The following RUNX1T1 variants were observed in gnomAD, a reference collection of about 807,000 sequenced individuals.
The protein encoded by RUNX1T1 is RUNX1 partner transcriptional co-repressor 1.
Under a neutral mutation model 62.8 loss-of-function variants are expected in RUNX1T1, and 4 were observed. That is an observed-to-expected ratio of 0.06 (90% CI 0.03 to 0.15). RUNX1T1 has a LOEUF of 0.15. Among genes scored for constraint, RUNX1T1 ranks in the 10% least tolerant of loss-of-function variants. The pLI is 1.00. For missense variants in RUNX1T1, 508 were observed against 754.3 expected, an observed-to-expected ratio of 0.67 and a Z score of 3.82; for synonymous variants, 291 against 286.0, an observed-to-expected ratio of 1.02 and a Z score of -0.18.
At chr8:92,052,114 G>A (rs1830341699) in intron 1 of RUNX1T1, among the ~76,000 whole-genome samples, 1 of 152,062 alleles carries the variant, frequency 6.6e-6, no homozygotes, top group South Asian at 2.1e-4. Flanking sequence ...AGAAGATATG[G>A]GAGACATCAG....
chr8:92,008,399 C>CACAT (rs2131065254), intron 4 of RUNX1T1, among the ~76,000 whole-genome samples: 1 of 135,208 alleles, frequency 7.4e-6, no homozygotes, highest in South Asian at 2.4e-4. Flanking sequence ...CACACACACA[C>CACAT]ACACACACAC....
intron 1 of RUNX1T1, among the ~76,000 whole-genome samples, chr8:92,034,095 T>G (rs1826797233): frequency 6.6e-6 from 1 of 152,100 alleles, no homozygotes; most frequent in African/African-American, 2.4e-5. Context: ...GGCGGAGTTA[T>G]CTATAGCGGT....
intron 1 of RUNX1T1, among the ~76,000 whole-genome samples, chr8:92,023,550 C>G (rs1824539678): frequency 6.6e-6 from 1 of 152,178 alleles, no homozygotes; most frequent in Non-Finnish European, 1.5e-5. Context: ...CATTTTCACT[C>G]CTCATCAATG....
intron 1 of RUNX1T1, among the ~76,000 whole-genome samples, chr8:92,052,172 T>C (rs979726163): frequency 2.6e-5 from 4 of 152,202 alleles, no homozygotes; most frequent in Admixed American, 1.3e-4. Context: ...TTTAATTACA[T>C]TGAATGCTTA....
intron 5 of RUNX1T1, among the ~76,000 whole-genome samples, chr8:92,002,015 C>G (rs138666589): frequency 2.9e-3 from 444 of 152,214 alleles, no homozygotes; most frequent in Admixed American, 5.3e-3. Flanking sequence ...TAAGAGTGTT[C>G]ATTTCGTTTA....
intron 6 of RUNX1T1, among the ~76,000 whole-genome samples, chr8:91,990,645 C>CTTT (rs34688927): frequency 1.4e-5 from 2 of 145,610 alleles, no homozygotes; most frequent in African/African-American, 2.5e-5. Context: ...TGCTTTACTA[C>CTTT]TTTTTTTTTT....
At chr8:91,993,171 C>G (rs1197824418) in intron 5 of RUNX1T1, among the ~76,000 whole-genome samples, 2 of 152,150 alleles carry the variant, frequency 1.3e-5, no homozygotes, top group Non-Finnish European at 2.9e-5. Flanking sequence ...CATAGAGGCA[C>G]TTCTTCTACT....
intron 2 of RUNX1T1, 60 bp downstream of exon 2, chr8:92,075,905 A>G (rs1236761259): frequency 7.0e-7 from 1 of 1,420,376 alleles, no homozygotes; most frequent in East Asian, 2.3e-5. Flanking sequence ...TGGAAAAAAT[A>G]GATTGATTTT....
intron 1 of RUNX1T1, among the ~76,000 whole-genome samples, chr8:92,022,190 TCTAA>T (rs779862299): frequency 1.4e-4 from 21 of 152,046 alleles, no homozygotes; most frequent in Non-Finnish European, 1.2e-4. Flanking sequence ...TAGTTACATT[TCTAA>T]CTATTAGAAA....
chr8:91,994,485 A>C (rs1472175177), intron 5 of RUNX1T1: 1 of 394,750 alleles, frequency 2.5e-6, no homozygotes, highest in Non-Finnish European at 5.1e-6. Flanking sequence ...CACAGCACCT[A>C]CCTTACTGGC....
intron 1 of RUNX1T1, among the ~76,000 whole-genome samples, chr8:92,057,026 T>C (rs1831154500): frequency 6.6e-6 from 1 of 152,212 alleles, no homozygotes; most frequent in Admixed American, 6.5e-5. Context: ...TCTATTAGGC[T>C]TTTCAAAATA....
intron 1 of RUNX1T1, among the ~76,000 whole-genome samples, chr8:92,037,435 T>G (rs1385759842): frequency 6.6e-6 from 1 of 152,180 alleles, no homozygotes; most frequent in Non-Finnish European, 1.5e-5. Context: ...CCCAGCACTT[T>G]GGGAGGCTGA....
At chr8:92,045,817 G>T (rs1469187608) in intron 1 of RUNX1T1, among the ~76,000 whole-genome samples, 1 of 152,136 alleles carries the variant, frequency 6.6e-6, no homozygotes, top group East Asian at 1.9e-4. Context: ...CCCAGAATCA[G>T]TACTCAAATA....
intron 1 of RUNX1T1, among the ~76,000 whole-genome samples, chr8:92,054,262 T>C (rs1365385902): frequency 2.0e-5 from 3 of 152,106 alleles, no homozygotes; most frequent in Admixed American, 6.5e-5. Context: ...GGCACACTGA[T>C]AGAGAAGGGG....
chr8:91,998,383 C>A (rs1381821705), intron 5 of RUNX1T1, among the ~76,000 whole-genome samples: 4 of 152,132 alleles, frequency 2.6e-5, no homozygotes. Flanking sequence ...AGCTGAATGC[C>A]ACAGGACCAT....
At chr8:91,995,201 C>T (rs776067257) in intron 5 of RUNX1T1, among the ~76,000 whole-genome samples, 15 of 152,176 alleles carry the variant, frequency 9.9e-5, no homozygotes, top group Non-Finnish European at 2.2e-4. Context: ...AACAACAACA[C>T]TGGAGTAATT....
At chr8:91,980,467 G>C (rs978418712) in intron 8 of RUNX1T1, among the ~76,000 whole-genome samples, 1 of 152,058 alleles carries the variant, frequency 6.6e-6, no homozygotes, top group Non-Finnish European at 1.5e-5. Context: ...GGGTCCCAAA[G>C]GTACAACAGA....
chr8:91,968,755 G>A (rs567443526), intron 10 of RUNX1T1, among the ~76,000 whole-genome samples: 4 of 152,270 alleles, frequency 2.6e-5, no homozygotes, highest in Non-Finnish European at 5.9e-5. Context: ...AGCATGCTGT[G>A]AGATCCTGTT....
At chr8:92,091,975 G>A (rs960135094) in intron 1 of RUNX1T1, among the ~76,000 whole-genome samples, 11 of 152,150 alleles carry the variant, frequency 7.2e-5, no homozygotes, top group African/African-American at 1.7e-4. Context: ...GAGTTTATCT[G>A]TGAAGAGTGT....
Sources: allele counts gnomAD v4.1 joint callset (sites outside exome capture counted in the v4.1 genomes callset), GRCh38; gene constraint gnomAD v4.1.1; transcripts MANE v1.5; gene names NCBI Gene and HGNC (gene_info 2026-07-23, HGNC 2026-07-21).